The following ADGB variants were observed in gnomAD, a reference collection of about 807,000 sequenced individuals.
The protein encoded by ADGB is calpain-7-like protein.
A neutral mutation model predicts 210.5 loss-of-function variants in ADGB; 172 were observed. That is an observed-to-expected ratio of 0.82 (90% CI 0.72 to 0.93). The LOEUF (loss-of-function observed/expected upper bound fraction) is 0.93, where lower values mean the gene tolerates loss of function less well. Ranked by LOEUF, ADGB falls within the 40% of genes least tolerant of loss-of-function variation. ADGB has a pLI of 0.00. For missense variants in ADGB, 2,025 were observed against 1,964.8 expected (o/e 1.03, Z -0.58); for synonymous variants, 658 against 662.7 (o/e 0.99, Z 0.11).
intron 29 of ADGB, among the ~76,000 whole-genome samples, chr6:146,773,270 G>A (rs2114635439): frequency 7.8e-6 from 1 of 128,078 alleles, no homozygotes; most frequent in South Asian, 2.7e-4. Flanking sequence ...AGAAGAAAAG[G>A]CATACATAGA....
chr6:146,728,835 G>T (rs1776937917), intron 20 of ADGB, 94 bp downstream of exon 20: 1 of 1,077,148 alleles, frequency 9.3e-7, no homozygotes, highest in Non-Finnish European at 1.3e-6. Flanking sequence ...CAGAGCCAGA[G>T]AAAATATTTT....
intron 35 of ADGB, chr6:146,803,142 TC>T: frequency 8.1e-6 from 12 of 1,483,630 alleles, no homozygotes; most frequent in Non-Finnish European, 1.1e-5. Flanking sequence ...AACGCCAAGA[TC>T]TTCTATCCTC....
At chr6:146,615,703 C>T (rs73002208) in intron 1 of ADGB, among the ~76,000 whole-genome samples, 32,058 of 152,040 alleles carry the variant, frequency 0.21, 3,471 homozygotes, top group East Asian at 0.24. Flanking sequence ...TCTTTCTGTG[C>T]GTGACTTGTT....
Position 146,602,711 on chromosome 6 carries a change from G to A in ADGB, c.74+3597G>A, listed in dbSNP as rs567577221. Among the ~76,000 whole-genome samples the A allele has an allele frequency of 2.0e-5, 3 of 152,310 alleles. No homozygotes were observed. The East Asian group carries it at 5.8e-4, about 29-fold the overall frequency. On this transcript the variant is annotated intron_variant, in intron 1 of 35. Coordinates refer to ENST00000397944, the MANE Select transcript of ADGB (RefSeq NM_024694.4). ...CCAGTACCAGTCCATGGCCTGTAAGGACCTGGGCTGTGCAGCAGGAGGTGA... is the reference window on the plus strand; with the variant it reads ...CCAGTACCAGTCCATGGCCTGTAAGAACCTGGGCTGTGCAGCAGGAGGTGA...
In ADGB at chr6:146,733,999, C is replaced by G. The variant is rs535266069; in HGVS notation, c.2763C>G (p.Tyr921Ter). 6.4e-7 allele frequency: 1 copy of G among 1,551,324 alleles called. No homozygotes were observed. Among genetic ancestry groups the G allele is most frequent in the Non-Finnish European group, 8.7e-7 (1 of 1,146,908 alleles). The change falls in exon 22 of 36, where the codon TAC becomes TAG. Residue 921 changes from tyrosine (Y) to a stop codon, truncating the protein, a stop_gained. Transcript: ENST00000397944. LOFTEE classifies it high-confidence loss of function. ...TTCAAGCCATGTGGAGAGGAACTTACGTTAGATTGCTTATGAAAGCCAGAA... is the reference window on the plus strand; with the variant it reads ...TTCAAGCCATGTGGAGAGGAACTTAGGTTAGATTGCTTATGAAAGCCAGAA... ...IKIQAMWRGTYVRLLMKARIP... is the reference protein window; with the variant it reads ...IKIQAMWRGT
rs138085879 is a variant in ADGB at position 146,801,563 on chromosome 6, G to A, written c.4635-265G>A. ...ACCTACAAGATATTCTCATAGTTTTGAACACAAGTTTCACAATCACCTCAT... is the reference window on the plus strand; with the variant it reads ...ACCTACAAGATATTCTCATAGTTTTAAACACAAGTTTCACAATCACCTCAT... On this transcript the variant is annotated intron_variant, in intron 34 of 35. Transcript: ENST00000397944. Among the ~76,000 whole-genome samples the A allele has an allele frequency of 2.8e-3, 430 of 152,260 alleles. 5 individuals are homozygous for A. The highest frequency in any genetic ancestry group is 0.01 in the African/African-American group (421 of 41,552).
chr6:146,680,618 C>A, intron 9 of ADGB, among the ~76,000 whole-genome samples: 1 of 152,226 alleles, frequency 6.6e-6, no homozygotes, highest in Non-Finnish European at 1.5e-5. Context: ...AAACTGGAAC[C>A]TGCGACAATT....
intron 2 of ADGB, among the ~76,000 whole-genome samples, chr6:146,643,785 C>A (rs1583571781): frequency 6.6e-6 from 1 of 151,788 alleles, no homozygotes; most frequent in Non-Finnish European, 1.5e-5. Flanking sequence ...AGTTGGTGAA[C>A]AAACGTCTTT....
At chr6:146,740,418 G>A in intron 23 of ADGB, 41 bp from the exon 24 acceptor site, 1 of 1,449,590 alleles carries the variant, frequency 6.9e-7, no homozygotes, top group South Asian at 1.3e-5. Context: ...TCTTTAAAGT[G>A]GCTTTTGCCA....
chr6:146,710,101 A>G (rs1311735391), intron 13 of ADGB, among the ~76,000 whole-genome samples: 1 of 151,106 alleles, frequency 6.6e-6, no homozygotes, highest in Non-Finnish European at 1.5e-5. Context: ...TAAGCCAGAT[A>G]TAGAAATCTC....
At chr6:146,663,163 T>C (rs1462164188) in intron 5 of ADGB, among the ~76,000 whole-genome samples, 1 of 141,042 alleles carries the variant, frequency 7.1e-6, no homozygotes, top group Non-Finnish European at 1.5e-5. Context: ...ATAATATATA[T>C]TTATTATATA....
rs898681097 is a variant in ADGB, at chr6:146,692,849, G to T, written c.1511G>T (p.Arg504Leu). The T allele has an allele frequency of 1.3e-6, 2 of 1,538,150 alleles. No individual in the cohort carries two copies. The highest frequency in any genetic ancestry group is 1.8e-6 in the Non-Finnish European group (2 of 1,139,040). Reference protein sequence around the residue: ...AQELIVKKPERFLEISSPFLN... With the variant: ...AQELIVKKPELFLEISSPFLN... ...GAGTTAATAGTAAAGAAGCCTGAAC[G>T]GTTCCTTGAGATTTCAAGTCCATTT... Residue 504 changes from arginine to leucine, a missense_variant, in exon 12 of 36, where the codon CGG becomes CTG. Transcript: ENST00000397944.
chr6:146,745,730 C>T (rs1298856190), intron 25 of ADGB, among the ~76,000 whole-genome samples, 192 bp from the exon 26 acceptor site: 1 of 152,054 alleles, frequency 6.6e-6, no homozygotes, highest in Non-Finnish European at 1.5e-5. Flanking sequence ...TTATTATTTT[C>T]CTGAAAACTT....
intron 29 of ADGB, 62 bp downstream of exon 29, chr6:146,769,193 TTAATAA>T: frequency 1.3e-6 from 1 of 784,284 alleles, no homozygotes; most frequent in Non-Finnish European, 2.0e-6. Flanking sequence ...ATTTAAATAT[TTAATAA>T]TAAATTGATT....
chr6:146,785,111 A>G (rs1385974498), intron 31 of ADGB, among the ~76,000 whole-genome samples: 4 of 152,136 alleles, frequency 2.6e-5, no homozygotes, highest in African/African-American at 9.7e-5. Context: ...CAAGTAAGAA[A>G]GCATTCAAAT....
chr6:146,715,851 C>T (rs552538350), intron 14 of ADGB, among the ~76,000 whole-genome samples: 5 of 151,396 alleles, frequency 3.3e-5, no homozygotes, highest in African/African-American at 1.2e-4. Context: ...GGGCAGATCA[C>T]GAAGTCAGTA....
intron 15 of ADGB, among the ~76,000 whole-genome samples, chr6:146,717,277 A>G (rs775936273): frequency 6.6e-6 from 1 of 152,238 alleles, no homozygotes; most frequent in African/African-American, 2.4e-5. Flanking sequence ...GAAAATAAAT[A>G]TATTGATTAT....
chr6:146,683,400 T>C (rs1171803427), intron 9 of ADGB, among the ~76,000 whole-genome samples: 1 of 152,100 alleles, frequency 6.6e-6, no homozygotes, highest in East Asian at 1.9e-4. Flanking sequence ...CTTTTACAGA[T>C]TGATATTTAG....
intron 31 of ADGB, 76 bp downstream of exon 31, chr6:146,784,870 T>C: frequency 7.1e-7 from 1 of 1,404,034 alleles, no homozygotes; most frequent in Non-Finnish European, 9.5e-7. Flanking sequence ...GTCATGCTGG[T>C]AAAAACCATA....
Sources: allele counts gnomAD v4.1 joint callset (sites outside exome capture counted in the v4.1 genomes callset), GRCh38; gene constraint gnomAD v4.1.1; transcripts MANE v1.5; gene names NCBI Gene and HGNC (gene_info 2026-07-23, HGNC 2026-07-21).